The following NUCB2 variants were observed in gnomAD, a reference collection of about 807,000 sequenced individuals.
The protein encoded by NUCB2 is nucleobindin-2.
Under a neutral mutation model 57.9 loss-of-function variants are expected in NUCB2, and 48 were observed. The observed-to-expected ratio is 0.83, with a 90% CI of 0.66 to 1.05. The LOEUF is 1.05. Ranked by LOEUF, NUCB2 falls within the 50% of genes least tolerant of loss-of-function variation. The pLI is 0.00. For missense variants in NUCB2, 442 were observed against 476.2 expected, an observed-to-expected ratio of 0.93 and a Z score of 0.67; for synonymous variants, 139 against 152.1, an observed-to-expected ratio of 0.91 and a Z score of 0.64.
chr11:17,346,759 A>G (rs1460787069), intron 2 of NUCB2, among the ~76,000 whole-genome samples: 2 of 152,234 alleles, frequency 1.3e-5, no homozygotes, highest in African/African-American at 4.8e-5. Flanking sequence ...CAGTAAAAGT[A>G]TTACAATCAG....
chr11:17,279,646 T>C (rs1942118585), intron 1 of NUCB2, among the ~76,000 whole-genome samples: 1 of 152,200 alleles, frequency 6.6e-6, no homozygotes, highest in Non-Finnish European at 1.5e-5. Context: ...CTGCAGAAAG[T>C]GAAATCGCAG....
chr11:17,298,591 G>GTAAAACTAGACAA (rs1431348837), intron 4 of NUCB2, among the ~76,000 whole-genome samples: 7 of 151,144 alleles, frequency 4.6e-5, no homozygotes, highest in East Asian at 1.9e-4. Flanking sequence ...AAAAAAATGA[G>GTAAAACTAGACAA]TAAAACTAGA....
At chr11:17,342,322 C>T (rs554194638) in intron 2 of NUCB2, among the ~76,000 whole-genome samples, 1 of 152,206 alleles carries the variant, frequency 6.6e-6, no homozygotes, top group South Asian at 2.1e-4. Context: ...TTCAGTTCTG[C>T]TCTGATCTTA....
chr11:17,327,332 A>T (rs1405769533), intron 11 of NUCB2, among the ~76,000 whole-genome samples: 1 of 152,122 alleles, frequency 6.6e-6, no homozygotes, highest in Non-Finnish European at 1.5e-5. Flanking sequence ...AAGTGCTGAG[A>T]TTACAGGTGT....
At chr11:17,308,288 G>A (rs1233134864) in intron 5 of NUCB2, among the ~76,000 whole-genome samples, 4 of 152,140 alleles carry the variant, frequency 2.6e-5, no homozygotes, top group Admixed American at 1.3e-4. Flanking sequence ...CACTAGGTAC[G>A]CTCCTTGCTA....
chr11:17,318,565 C>G (rs2139148685), intron 11 of NUCB2, among the ~76,000 whole-genome samples: 1 of 152,006 alleles, frequency 6.6e-6, no homozygotes, highest in Non-Finnish European at 1.5e-5. Flanking sequence ...ATTACCAGGA[C>G]CCAGGGAATA....
chr11:17,318,745 C>T (rs1261650458), intron 11 of NUCB2, among the ~76,000 whole-genome samples: 1 of 143,332 alleles, frequency 7.0e-6, no homozygotes, highest in Non-Finnish European at 1.6e-5. Context: ...AGGATTAGAG[C>T]TTATTGAATA....
chr11:17,288,934 CACACACACACACACACATATAT>C (rs1565376948), intron 2 of NUCB2, among the ~76,000 whole-genome samples: 3 of 85,780 alleles, frequency 3.5e-5, no homozygotes, highest in African/African-American at 1.6e-4. Context: ...CACACACACA[CACACACACACACACACATATAT>C]ATATATATTT....
At chr11:17,290,067 C>A (rs556083400) in intron 2 of NUCB2, among the ~76,000 whole-genome samples, 1 of 152,258 alleles carries the variant, frequency 6.6e-6, no homozygotes, top group Admixed American at 6.5e-5. Context: ...GTTTTACTAA[C>A]AAAACGTAAC....
At chr11:17,279,459 G>A (rs1244236578) in intron 1 of NUCB2, among the ~76,000 whole-genome samples, 1 of 152,104 alleles carries the variant, frequency 6.6e-6, no homozygotes, top group Non-Finnish European at 1.5e-5. Context: ...ATCCTAGAGG[G>A]ATATGTTCCA....
chr11:17,324,512 C>T (rs1950417248), intron 11 of NUCB2, among the ~76,000 whole-genome samples: 1 of 152,122 alleles, frequency 6.6e-6, no homozygotes, highest in African/African-American at 2.4e-5. Flanking sequence ...CAGCTCACTG[C>T]AACCTTCGCC....
chr11:17,335,013 T>G (rs976852070), downstream of NUCB2, among the ~76,000 whole-genome samples: 1 of 152,134 alleles, frequency 6.6e-6, no homozygotes, highest in Non-Finnish European at 1.5e-5. Flanking sequence ...CAAACATACT[T>G]AAATAATGGA....
At chr11:17,317,716 G>C (rs1949446406) in intron 11 of NUCB2, 1 of 176,170 alleles carries the variant, frequency 5.7e-6, no homozygotes. Flanking sequence ...GGTAATGGTA[G>C]CTTTGATCAT....
chr11:17,327,604 T>C (rs1950856636), intron 11 of NUCB2, among the ~76,000 whole-genome samples: 1 of 152,308 alleles, frequency 6.6e-6, no homozygotes, highest in Non-Finnish European at 1.5e-5. Context: ...TAAGCATGCT[T>C]TCATTGTTTT....
intron 11 of NUCB2, among the ~76,000 whole-genome samples, chr11:17,324,172 G>T (rs1950365273): frequency 6.6e-6 from 1 of 151,740 alleles, no homozygotes; most frequent in African/African-American, 2.4e-5. Context: ...TTTCTTTTTT[G>T]ATATAGACAG....
chr11:17,328,848 C>T (rs116977446), intron 11 of NUCB2, among the ~76,000 whole-genome samples: 236 of 152,202 alleles, frequency 1.6e-3, no homozygotes, highest in Non-Finnish European at 2.6e-3. Context: ...CTTTACTTTC[C>T]CTCTGCTTTC....
intron 2 of NUCB2, among the ~76,000 whole-genome samples, chr11:17,344,364 A>T (rs1952546613): frequency 6.6e-6 from 1 of 152,200 alleles, no homozygotes; most frequent in Non-Finnish European, 1.5e-5. Context: ...TCTGGTTAGG[A>T]GAAAAGTAGC....
Position 17,295,460 on chromosome 11 carries a change from A to G in NUCB2, c.137A>G (p.Glu46Gly). The change falls in exon 3 of 14, where the codon GAA (glutamate) becomes GGA (glycine). Residue 46 changes from glutamate (E) to glycine (G), a missense_variant. Coordinates refer to ENST00000529010, the MANE Select transcript of NUCB2 (RefSeq NM_005013.4). ...NIHPVESAKIEPPDTGLYYDE... is the reference protein window; with the variant it reads ...NIHPVESAKIGPPDTGLYYDE... ...CACCCTGTGGAAAGTGCGAAGATAG[A>G]ACCACCAGTAAGTGAAATGAAGTGA... The G allele has an allele frequency of 1.2e-6, 2 of 1,608,988 alleles. No homozygotes were observed. Among genetic ancestry groups the G allele is most frequent in the Non-Finnish European group, 1.7e-6 (2 of 1,177,478 alleles).
In NUCB2 at chr11:17,330,184, A is replaced by C. The variant is rs1231716255; in HGVS notation, c.1060A>C (p.Ile354Leu). The change falls in exon 12 of 14, where the codon ATT (isoleucine) becomes CTT (leucine). Residue 354 changes from isoleucine (I) to leucine (L), a missense_variant. By Grantham distance (5) the Ile-to-Leu change is conservative. Coordinates refer to ENST00000529010, the MANE Select transcript of NUCB2 (RefSeq NM_005013.4). The surrounding 1 kb of genome is among the most constrained non-coding windows in gnomAD (Gnocchi z 4.3). ...AGAACTAAAAGAATATGAAAATATT[A>C]TTGCTTTACAAGAAAATGAACTTAA... is the stretch of plus-strand genomic sequence containing the variant. ...EEELKEYENI[I>L]ALQENELKKK... 1 of 1,591,338 alleles carries C rather than the reference A, an allele frequency of 6.3e-7. No individual in the cohort carries two copies. The highest frequency in any genetic ancestry group is 8.6e-7 in the Non-Finnish European group (1 of 1,161,676).
Sources: gnomAD v4.1 joint callset for allele counts (sites outside exome capture counted in the v4.1 genomes callset) on GRCh38, gnomAD v4.1.1 for gene constraint, Gnocchi (gnomAD v3.1) non-coding constraint, MANE v1.5 for transcripts, NCBI Gene and HGNC (gene_info 2026-07-23, HGNC 2026-07-21) for gene names.